DIP2C: variants seen among roughly 807,000 people sequenced by gnomAD.
The protein encoded by DIP2C is disco-interacting protein 2 homolog C.
DIP2C carries 33 observed loss-of-function variants against 192.4 expected under a neutral mutation model. That is an observed-to-expected ratio of 0.17 (90% CI 0.13 to 0.23). DIP2C has a LOEUF of 0.23. Ranked by LOEUF, DIP2C falls within the 10% of genes least tolerant of loss-of-function variation. DIP2C has a pLI of 1.00. For synonymous variants in DIP2C, 979 were observed against 864.1 expected, an observed-to-expected ratio of 1.13 and a Z score of -2.33; for missense variants, 1,537 against 2,110.1, an observed-to-expected ratio of 0.73 and a Z score of 5.32.
intron 1 of DIP2C, chr10:650,272 G>A (rs1224657759): frequency 2.8e-6 from 2 of 716,816 alleles, no homozygotes; most frequent in African/African-American, 3.5e-5. Context: ...AGGTGACACA[G>A]CACTGGATGC....
Position 362,562 on chromosome 10 carries a change from G to A in DIP2C, c.2722C>T (p.His908Tyr). The A allele has an allele frequency of 1.9e-6, 3 of 1,614,140 alleles. No homozygotes were observed. Among genetic ancestry groups the A allele is most frequent in the African/African-American group, 1.3e-5 (1 of 75,062 alleles). ...GGGCACATTAGGACATTGCAGGGGT[G>A]CAGAGAGCCCTCCAGAAAAAGCTGT... ...TKQLFLEGSL[H>Y]PCNVLMCPHT... Residue 908 changes from histidine to tyrosine, a missense_variant, in exon 22 of 37, where the codon CAC (histidine) becomes TAC (tyrosine). By Grantham distance (83) the His-to-Tyr change is moderately conservative. Transcript: ENST00000280886.
intron 3 of DIP2C, among the ~76,000 whole-genome samples, chr10:449,920 C>CAAAAAAAAAAAAAAAAAAAAA (rs59135780): frequency 7.4e-6 from 1 of 135,926 alleles, no homozygotes; most frequent in Non-Finnish European, 1.5e-5. Flanking sequence ...TCAACAACAA[C>CAAAAAAAAAAAAAAAAAAAAA]AAAAAAAAAA....
chr10:596,250 C>A (rs1851691457), intron 1 of DIP2C, among the ~76,000 whole-genome samples: 1 of 152,058 alleles, frequency 6.6e-6, no homozygotes, highest in South Asian at 2.1e-4. Flanking sequence ...TGGCTCACGC[C>A]TGTAATCCCA....
Position 356,297 on chromosome 10 carries a change from A to G in DIP2C, c.2985+129T>C, listed in dbSNP as rs1477006918. ...TAGGTACAAAAGTCTCAGTCAAAATAGCAAAACATAAAAAGAATTCCCATA... is the reference window on the plus strand; with the variant it reads ...TAGGTACAAAAGTCTCAGTCAAAATGGCAAAACATAAAAAGAATTCCCATA... On this transcript the variant is annotated intron_variant, in intron 24 of 36. Transcript: ENST00000280886. The G allele has an allele frequency of 4.4e-5, 48 of 1,094,306 alleles. No individual in the cohort carries two copies. In the Admixed American group the frequency reaches 8.4e-4, roughly 19 times the overall value. 67.8% of individuals were successfully genotyped at this position (1,094,306 alleles called of 1,614,324 possible).
intron 12 of DIP2C, 68 bp downstream of exon 12, chr10:390,196 C>T: frequency 6.3e-7 from 1 of 1,591,472 alleles, no homozygotes. Flanking sequence ...ACTCGTGTAA[C>T]CGTCAGAAAC....
chr10:436,027 A>C (rs775991787), intron 4 of DIP2C, among the ~76,000 whole-genome samples: 5 of 152,170 alleles, frequency 3.3e-5, no homozygotes, highest in Non-Finnish European at 7.3e-5. Context: ...CAAAATGCTC[A>C]TACTATACTT....
At chr10:414,937 T>C (rs1965535529) in intron 7 of DIP2C, among the ~76,000 whole-genome samples, 1 of 143,602 alleles carries the variant, frequency 7.0e-6, no homozygotes, top group Non-Finnish European at 1.5e-5. Flanking sequence ...AGACAGGGTT[T>C]TGCCATATTG....
chr10:375,135 T>C (rs116924153), intron 17 of DIP2C, among the ~76,000 whole-genome samples: 4,134 of 152,326 alleles, frequency 0.027, 78 homozygotes, highest in Non-Finnish European at 0.042. Flanking sequence ...TCTGGATGTT[T>C]TGTTGCCTGC....
intron 17 of DIP2C, among the ~76,000 whole-genome samples, chr10:372,337 G>A (rs1022953225): frequency 6.6e-6 from 1 of 152,128 alleles, no homozygotes; most frequent in Non-Finnish European, 1.5e-5. Context: ...GGCTTCCCAA[G>A]GTGTTGGAAT....
chr10:612,450 G>A (rs1251370126), intron 1 of DIP2C, among the ~76,000 whole-genome samples: 3 of 152,218 alleles, frequency 2.0e-5, no homozygotes, highest in Non-Finnish European at 4.4e-5. Context: ...CCCCAAGGAT[G>A]GAAGGAGAAA....
chr10:599,802 C>T (rs1361446539), intron 1 of DIP2C, among the ~76,000 whole-genome samples: 8 of 152,098 alleles, frequency 5.3e-5, no homozygotes, highest in East Asian at 1.9e-4. Flanking sequence ...GGAGAGGGGA[C>T]GAGCTGTGTT....
At chr10:510,168 C>CT in intron 1 of DIP2C, among the ~76,000 whole-genome samples, 2 of 152,334 alleles carry the variant, frequency 1.3e-5, no homozygotes, top group Admixed American at 1.3e-4. Context: ...CTTCTAGGTC[C>CT]TGGGGGCTAC....
At position 678,432 on chromosome 10, in the gene DIP2C, G is replaced by A. The variant is rs117394007; in HGVS notation, c.85+11062C>T. The stretch of plus-strand genomic sequence containing the variant: ...CCATCTGAGCACAGAGTACGTGTTC[G>A]GCAGCATCTGTCAGAGCAGAGGAAG... On this transcript the variant is annotated intron_variant, in intron 1 of 36. Coordinates refer to ENST00000280886, the MANE Select transcript of DIP2C (RefSeq NM_014974.3). Among the ~76,000 whole-genome samples the A allele has an allele frequency of 1.6e-3, 242 of 151,772 alleles. 2 individuals are homozygous for A. The highest frequency in any genetic ancestry group is 2.6e-3 in the Non-Finnish European group (179 of 67,900).
At chr10:561,860 C>A (rs1163720049) in intron 1 of DIP2C, among the ~76,000 whole-genome samples, 2 of 152,228 alleles carry the variant, frequency 1.3e-5, no homozygotes, top group African/African-American at 2.4e-5. Flanking sequence ...GACAATTCCT[C>A]TTCTGGAGGT....
At chr10:327,406 A>C (rs1957322942) in intron 30 of DIP2C, among the ~76,000 whole-genome samples, 1 of 152,224 alleles carries the variant, frequency 6.6e-6, no homozygotes. Context: ...CGTCTCAAAC[A>C]ACCACCTGGA....
chr10:571,073 A>G (rs1849768473), intron 1 of DIP2C, among the ~76,000 whole-genome samples: 1 of 152,184 alleles, frequency 6.6e-6, no homozygotes, highest in African/African-American at 2.4e-5. Context: ...GTGCCCCCAC[A>G]ATTACAGGAT....
At chr10:592,638 G>A (rs1212616719) in intron 1 of DIP2C, among the ~76,000 whole-genome samples, 1 of 152,124 alleles carries the variant, frequency 6.6e-6, no homozygotes, top group Non-Finnish European at 1.5e-5. Flanking sequence ...TAGCAACCCT[G>A]TTTGGAGGCA....
chr10:604,726 T>A (rs963388845), intron 1 of DIP2C, among the ~76,000 whole-genome samples: 3 of 152,070 alleles, frequency 2.0e-5, no homozygotes, highest in Non-Finnish European at 2.9e-5. Flanking sequence ...TATTGTCCCA[T>A]ATAAACTAAA....
Position 377,153 on chromosome 10 carries a change from T to TC in DIP2C, c.1991+5493_1991+5494insG, listed in dbSNP as rs1961702760. On this transcript the variant is annotated intron_variant, in intron 17 of 36. Coordinates refer to ENST00000280886, the MANE Select transcript of DIP2C (RefSeq NM_014974.3). Reference sequence around the variant, plus strand: ...CCTGTGCAGCGCAGTTTTTTTTTTTTTTTTGCACTGAATATACTATTTACA... The same window carrying TC: ...CCTGTGCAGCGCAGTTTTTTTTTTTTCTTTTGCACTGAATATACTATTTACA... Among the ~76,000 whole-genome samples, 3 of 152,070 alleles carry TC rather than the reference T, an allele frequency of 2.0e-5. No individual in the cohort carries two copies. The South Asian group carries it at 6.3e-4, about 32-fold the overall frequency.
Sources: allele counts gnomAD v4.1 joint callset (sites outside exome capture counted in the v4.1 genomes callset), GRCh38; gene constraint gnomAD v4.1.1; transcripts MANE v1.5; gene names NCBI Gene and HGNC (gene_info 2026-07-23, HGNC 2026-07-21).